The following DSCAM variants were observed in gnomAD, a reference collection of about 807,000 sequenced individuals.
DSCAM encodes the protein DS cell adhesion molecule.
DSCAM carries 47 observed loss-of-function variants against 217.7 expected under a neutral mutation model. The ratio of observed to expected loss-of-function variants is 0.22; its 90% CI spans 0.17 to 0.28. DSCAM has a LOEUF of 0.28. Ranked by LOEUF, DSCAM falls within the 10% of genes least tolerant of loss-of-function variation. The pLI, the probability that DSCAM is intolerant of heterozygous loss-of-function variation, is 1.00. For synonymous variants in DSCAM, 1,056 were observed against 1,015.3 expected, an observed-to-expected ratio of 1.04 and a Z score of -0.76; for missense variants, 2,080 against 2,618.3, an observed-to-expected ratio of 0.79 and a Z score of 4.49.
rs571563163 is a variant in DSCAM at position 40,122,561 on chromosome 21, C to A, written c.3696+1634G>T. On this transcript the variant is annotated intron_variant, in intron 20 of 32. Transcript: ENST00000400454. ...GTGATAAGCAGAAAAGCAGAAGCCACCCTGGGCATTGAGGGCACAATGGCT... is the reference window on the plus strand; with the variant it reads ...GTGATAAGCAGAAAAGCAGAAGCCAACCTGGGCATTGAGGGCACAATGGCT... Among the ~76,000 whole-genome samples the A allele has an allele frequency of 3.3e-4, 51 of 152,292 alleles. No homozygotes were observed. The South Asian group carries it at 0.011, about 32-fold the overall frequency.
intron 5 of DSCAM, among the ~76,000 whole-genome samples, chr21:40,350,201 C>A (rs1462616581): frequency 6.6e-6 from 1 of 152,138 alleles, no homozygotes; most frequent in African/African-American, 2.4e-5. Context: ...AAAACCTAGT[C>A]AATACCATTC....
intron 3 of DSCAM, among the ~76,000 whole-genome samples, chr21:40,607,380 T>C (rs1173279224): frequency 6.6e-6 from 1 of 150,730 alleles, no homozygotes; most frequent in East Asian, 2.0e-4. Context: ...TTCATATGCC[T>C]CATTCTCCCT....
At chr21:40,666,650 C>T (rs897825218) in intron 3 of DSCAM, among the ~76,000 whole-genome samples, 3 of 152,148 alleles carry the variant, frequency 2.0e-5, no homozygotes, top group Non-Finnish European at 2.9e-5. Flanking sequence ...TTTTCCTGGG[C>T]GTTTTGTACT....
intron 15 of DSCAM, among the ~76,000 whole-genome samples, chr21:40,176,490 G>A (rs1601411116): frequency 6.6e-6 from 1 of 152,178 alleles, no homozygotes; most frequent in Non-Finnish European, 1.5e-5. Flanking sequence ...TTTACCTGCT[G>A]GGAAGGGGCA....
At chr21:40,747,683 A>T (rs2091188503) in intron 1 of DSCAM, among the ~76,000 whole-genome samples, 1 of 151,936 alleles carries the variant, frequency 6.6e-6, no homozygotes, top group African/African-American at 2.4e-5. Flanking sequence ...CTTCCAAAAA[A>T]TTGACAAGGA....
chr21:40,844,283 A>C (rs935417668), intron 1 of DSCAM, among the ~76,000 whole-genome samples: 5 of 152,190 alleles, frequency 3.3e-5, no homozygotes, highest in Admixed American at 6.5e-5. Flanking sequence ...GTATGTAATG[A>C]ACACCATACC....
In DSCAM at chr21:40,426,080, G is replaced by A. The variant is rs549006078; in HGVS notation, c.509-56835C>T. 3.3e-5 allele frequency among the ~76,000 whole-genome samples: 5 copies of A among 152,314 alleles called. No homozygotes were observed. In the South Asian group the frequency reaches 8.3e-4, roughly 25 times the overall value. On this transcript the variant is annotated intron_variant, in intron 3 of 32. Transcript: ENST00000400454. ...TGAACACACATGGATTGGGGTCAGA[G>A]GGTGTGGCTGGCCCCATACTACTCC... is the stretch of plus-strand genomic sequence containing the variant.
intron 3 of DSCAM, among the ~76,000 whole-genome samples, chr21:40,575,812 A>T (rs191676594): frequency 5.1e-4 from 77 of 152,308 alleles, no homozygotes; most frequent in African/African-American, 1.9e-3. Context: ...GTAAGAAGGC[A>T]ACCCAAGAAA....
chr21:40,207,712 CAT>C (rs1285023446), intron 11 of DSCAM, among the ~76,000 whole-genome samples: 1 of 152,112 alleles, frequency 6.6e-6, no homozygotes, highest in Non-Finnish European at 1.5e-5. Flanking sequence ...CTAGGTCTGC[CAT>C]AATAAATTAT....
At chr21:40,495,705 A>T (rs1406801401) in intron 3 of DSCAM, among the ~76,000 whole-genome samples, 1 of 152,204 alleles carries the variant, frequency 6.6e-6, no homozygotes, top group Non-Finnish European at 1.5e-5. Context: ...GAAAGGAATT[A>T]AAAACATCCA....
chr21:40,819,296 C>T (rs2123583395), intron 1 of DSCAM, among the ~76,000 whole-genome samples: 1 of 152,302 alleles, frequency 6.6e-6, no homozygotes, highest in Non-Finnish European at 1.5e-5. Context: ...CACAGATTGC[C>T]TCAAACCACA....
intron 3 of DSCAM, among the ~76,000 whole-genome samples, chr21:40,617,256 T>C (rs1180089272): frequency 1.3e-5 from 2 of 149,996 alleles, no homozygotes; most frequent in African/African-American, 4.9e-5. Flanking sequence ...CCTGAGTAGC[T>C]GGGACTACAG....
chr21:40,557,514 C>A (rs2076681640), intron 3 of DSCAM, among the ~76,000 whole-genome samples: 1 of 152,050 alleles, frequency 6.6e-6, no homozygotes, highest in African/African-American at 2.4e-5. Flanking sequence ...AACACCGGGC[C>A]CGGCTAATTT....
Position 40,167,231 on chromosome 21 carries a change from C to A in DSCAM, c.3005G>T (p.Arg1002Met), listed in dbSNP as rs1190712918. ...HLEPISSQSI[R>M]VTWKAPKKHL... ...TGCTGAGTTTACCTTCCATGTGACC[C>A]TGATGCTCTGAGATGATATAGGCTC... The change falls in exon 16 of 33, where the codon AGG becomes ATG. Residue 1002 changes from arginine to methionine, a missense_variant. Around this residue, in one of 5 missense-constraint regions of DSCAM, gnomAD observed 1,144 missense variants for 1,421.1 expected, o/e 0.81. Transcript: ENST00000400454. 2 of 1,613,918 alleles carry A rather than the reference C, an allele frequency of 1.2e-6. No homozygotes were observed. Among genetic ancestry groups the A allele is most frequent in the South Asian group, 1.1e-5 (1 of 91,044 alleles).
intron 28 of DSCAM, among the ~76,000 whole-genome samples, chr21:40,060,338 G>C (rs2089096261): frequency 6.6e-6 from 1 of 152,208 alleles, no homozygotes; most frequent in Admixed American, 6.5e-5. Flanking sequence ...ATGTACTCTA[G>C]AATATGAGGA....
At chr21:40,137,123 C>T (rs1262185396) in intron 18 of DSCAM, among the ~76,000 whole-genome samples, 3 of 140,964 alleles carry the variant, frequency 2.1e-5, no homozygotes, top group Non-Finnish European at 3.0e-5. Flanking sequence ...TGCAGTGAGT[C>T]GAGATCGCAC....
chr21:40,244,453 G>GAAA lies in DSCAM; in HGVS notation c.2356+31641_2356+31643dup, dbSNP rs76692462. On this transcript the variant is annotated intron_variant, in intron 11 of 32. Coordinates refer to ENST00000400454, the MANE Select transcript of DSCAM (RefSeq NM_001389.5). ...GTGACAGAATGAGACTCCGTCTCCG[G>GAAA]AAAAAAAAAAAAAAAAAAAGTCACA... is the stretch of plus-strand genomic sequence containing the variant. Among the ~76,000 whole-genome samples, 24 of 99,888 alleles carry GAAA rather than the reference G, an allele frequency of 2.4e-4. No homozygotes were observed. The South Asian group carries it at 7.7e-3, about 32-fold the overall frequency. The allele number at this position is 99,888 out of a possible 152,430, so 65.5% of individuals were successfully genotyped here.
intron 18 of DSCAM, 121 bp from the exon 19 acceptor site, chr21:40,134,130 C>T (rs2090183277): frequency 1.7e-5 from 22 of 1,284,458 alleles, no homozygotes; most frequent in Non-Finnish European, 2.2e-5. Flanking sequence ...ATCATCTGGA[C>T]ACGAGAATTC....
At position 40,259,546 on chromosome 21, in the gene DSCAM, G is replaced by T. The variant is rs544372451; in HGVS notation, c.2356+16551C>A. Among the ~76,000 whole-genome samples the T allele has an allele frequency of 4.6e-5, 7 of 151,888 alleles. No individual in the cohort carries two copies. In the East Asian group the frequency reaches 1.4e-3, roughly 29 times the overall value. ...ACCTGTAAAGAGGCGATGCATCTGG[G>T]CCCAGAAGTTAAAAGTTACCTCCAT... is the stretch of plus-strand genomic sequence containing the variant. On this transcript the variant is annotated intron_variant, in intron 11 of 32. Transcript: ENST00000400454.
Sources: allele counts gnomAD v4.1 joint callset (sites outside exome capture counted in the v4.1 genomes callset), GRCh38; gene constraint gnomAD v4.1.1; regional missense constraint gnomAD v4.1.1; transcripts MANE v1.5; gene names NCBI Gene and HGNC (gene_info 2026-07-23, HGNC 2026-07-21).